Variants in RAD9B observed in about 807,000 individuals in gnomAD.
RAD9B encodes the protein cell cycle checkpoint control protein RAD9B.
Under a neutral mutation model 48.3 loss-of-function variants are expected in RAD9B, and 41 were observed. The observed-to-expected ratio is 0.85, with a 90% CI of 0.66 to 1.10. The LOEUF (loss-of-function observed/expected upper bound fraction) is 1.10. Among genes scored for constraint, RAD9B ranks in the 50% least tolerant of loss-of-function variants. The pLI, the probability that RAD9B is intolerant of heterozygous loss-of-function variation, is 0.00. For synonymous variants in RAD9B, 160 were observed against 157.9 expected, an observed-to-expected ratio of 1.01 and a Z score of -0.10; for missense variants, 444 against 485.1, an observed-to-expected ratio of 0.92 and a Z score of 0.80.
At chr12:110,507,510 TA>T (rs1461399621) in intron 4 of RAD9B, among the ~76,000 whole-genome samples, 842 of 25,732 alleles carry the variant, frequency 0.033, 19 homozygotes, top group Non-Finnish European at 0.062. Context: ...GTATTAAATA[TA>T]ATACATAATA....
intron 4 of RAD9B, among the ~76,000 whole-genome samples, chr12:110,511,132 C>T (rs2063446171): frequency 1.3e-5 from 2 of 152,086 alleles, no homozygotes; most frequent in Admixed American, 1.3e-4. Flanking sequence ...AGTCTGCAAT[C>T]ACTATTTTAC....
rs2063472200 is a variant in RAD9B at position 110,511,908 on chromosome 12, ACG to A, written c.389-870_389-869del. 2.0e-5 allele frequency among the ~76,000 whole-genome samples: 3 copies of A among 151,504 alleles called. No homozygotes were observed. The South Asian group carries it at 6.2e-4, about 32-fold the overall frequency. ...TGTTGTCAGGCTGGAGTGCAGTGGCACGATCTCGGCTCACTGCAACCTCCACC... is the reference window on the plus strand; with the variant it reads ...TGTTGTCAGGCTGGAGTGCAGTGGCAATCTCGGCTCACTGCAACCTCCACC... On this transcript the variant is annotated intron_variant, in intron 4 of 10. Transcript: ENST00000409300.
rs1310741622 is a variant in RAD9B, at chr12:110,531,821, C to T, written c.*1168C>T. 4 of 549,294 alleles carry T rather than the reference C, an allele frequency of 7.3e-6. No homozygotes were observed. The highest frequency in any genetic ancestry group is 1.3e-5 in the Non-Finnish European group (4 of 314,794). 34.0% of individuals were successfully genotyped at this position (549,294 alleles called of 1,614,324 possible). A position where few individuals can be genotyped will look rare whatever the true frequency, so the allele number is the denominator to read the frequency against. On this transcript the variant is annotated 3_prime_UTR_variant, in exon 11 of 11. Coordinates refer to ENST00000409300, the MANE Select transcript of RAD9B (RefSeq NM_001286535.2). ...CCTCTCCCTCCCCCAAACCTGTTTA[C>T]AGTCAATTATAACCTGACAAACGAG...
chr12:110,528,195 A>G (rs893617193), intron 10 of RAD9B, among the ~76,000 whole-genome samples: 1 of 152,184 alleles, frequency 6.6e-6, no homozygotes, highest in African/African-American at 2.4e-5. Flanking sequence ...CAGTGAGGCA[A>G]TAGTCACCCA....
chr12:110,503,980 C>T lies in RAD9B; in HGVS notation c.117+104C>T, dbSNP rs1198018235. On this transcript the variant is annotated intron_variant, in intron 2 of 10. Transcript: ENST00000409300. ...TAGGAAATCCAGAAATTGTAATTAT[C>T]CCTTTCACTGTTTATCTTTATTTTA... 24 of 638,784 alleles carry T rather than the reference C, an allele frequency of 3.8e-5. No homozygotes were observed. In the East Asian group the frequency reaches 4.5e-4, roughly 12 times the overall value. 39.6% of individuals were successfully genotyped at this position (638,784 alleles called of 1,614,324 possible). A position where few individuals can be genotyped will look rare whatever the true frequency, so the allele number is the denominator to read the frequency against.
Position 110,519,910 on chromosome 12 carries a change from GA to G in RAD9B, c.889del (p.Arg297GlyfsTer4). On this transcript the variant is annotated frameshift_variant, in exon 9 of 11. Transcript: ENST00000409300. LOFTEE classifies it high-confidence loss of function. ...CAGTCACTGTGTCTTTCACAGAAAC[GA>G]AAAAGGTAAGACTGTGTTTTAACTT... is the stretch of plus-strand genomic sequence containing the variant. ...SPQSLCLSQK[R>X]KRSDLIEKKA... 6.2e-7 allele frequency: 1 copy of G among 1,608,468 alleles called. No homozygotes were observed. Among genetic ancestry groups the G allele is most frequent in the Non-Finnish European group, 8.5e-7 (1 of 1,178,412 alleles).
intron 4 of RAD9B, among the ~76,000 whole-genome samples, chr12:110,509,380 T>C (rs56887341): frequency 0.14 from 21,792 of 151,884 alleles, 2,145 homozygotes; most frequent in African/African-American, 0.28. Flanking sequence ...GCTGGGATTA[T>C]AGGAATGAGC....
intron 2 of RAD9B, among the ~76,000 whole-genome samples, chr12:110,504,111 C>T (rs2063188047): frequency 6.7e-6 from 1 of 149,830 alleles, no homozygotes; most frequent in South Asian, 2.1e-4. Flanking sequence ...TAGCTACGGT[C>T]TGCAGGAATG....
At chr12:110,503,773 G>A (rs746973054) in intron 1 of RAD9B, 33 bp from the exon 2 acceptor site, 1 of 1,493,486 alleles carries the variant, frequency 6.7e-7, no homozygotes, top group South Asian at 1.2e-5. Flanking sequence ...TAGAGGGAAA[G>A]AATATAAGCA....
rs1565908576 is a variant in RAD9B at position 110,531,536 on chromosome 12, A to G, written c.*883A>G. ...GTAAAATTTTATTTCCTAACCTCAAATTGTTCTGATTTTCAGATGTGATTT... is the reference window on the plus strand; with the variant it reads ...GTAAAATTTTATTTCCTAACCTCAAGTTGTTCTGATTTTCAGATGTGATTT... On this transcript the variant is annotated 3_prime_UTR_variant, in exon 11 of 11. Transcript: ENST00000409300. 4.2e-6 allele frequency: 6 copies of G among 1,413,032 alleles called. No individual in the cohort carries two copies. Among genetic ancestry groups the G allele is most frequent in the Non-Finnish European group, 6.0e-6 (6 of 1,003,186 alleles). 87.5% of individuals were successfully genotyped at this position (1,413,032 alleles called of 1,614,324 possible).
chr12:110,510,158 C>T (rs1282107367), intron 4 of RAD9B, among the ~76,000 whole-genome samples: 1 of 152,184 alleles, frequency 6.6e-6, no homozygotes, highest in Non-Finnish European at 1.5e-5. Flanking sequence ...GATTCAGAAG[C>T]CCTGGCATGT....
At chr12:110,516,914 A>T (rs189123669) in intron 6 of RAD9B, among the ~76,000 whole-genome samples, 2,056 of 152,226 alleles carry the variant, frequency 0.014, 44 homozygotes, top group African/African-American at 0.047. Context: ...TACAAAAAAA[A>T]TTTTTTAAGT....
intron 4 of RAD9B, among the ~76,000 whole-genome samples, chr12:110,509,136 T>C (rs2063383657): frequency 6.6e-6 from 1 of 151,848 alleles, no homozygotes; most frequent in Non-Finnish European, 1.5e-5. Flanking sequence ...GGCTAACTTT[T>C]TTTTTGTATT....
intron 4 of RAD9B, among the ~76,000 whole-genome samples, chr12:110,507,547 T>C: frequency 2.6e-5 from 3 of 117,544 alleles, no homozygotes; most frequent in South Asian, 2.6e-4. Context: ...ATACATAATA[T>C]ATGTATTAAA....
intron 10 of RAD9B, among the ~76,000 whole-genome samples, chr12:110,528,217 T>G (rs1003326902): frequency 2.0e-5 from 3 of 152,126 alleles, no homozygotes; most frequent in African/African-American, 7.2e-5. Flanking sequence ...TTGTAGCATC[T>G]GAGAGATGGT....
intron 4 of RAD9B, chr12:110,511,431 C>A (rs746244809): frequency 6.9e-6 from 3 of 437,562 alleles, no homozygotes; most frequent in Non-Finnish European, 1.4e-5. Context: ...TTTGCAGCAA[C>A]GTGGATGGAA....
chr12:110,517,400 T>C (rs917540616), intron 6 of RAD9B, among the ~76,000 whole-genome samples: 1 of 150,936 alleles, frequency 6.6e-6, no homozygotes, highest in African/African-American at 2.4e-5. Context: ...CGAGGAGGGC[T>C]GATCACCTGA....
At chr12:110,516,146 G>A (rs992040646) in intron 6 of RAD9B, among the ~76,000 whole-genome samples, 20 of 151,994 alleles carry the variant, frequency 1.3e-4, no homozygotes, top group Non-Finnish European at 4.4e-5. Flanking sequence ...AGGATTGCTT[G>A]AGCCCGTAAG....
At chr12:110,505,191 A>G (rs537129353) in intron 2 of RAD9B, among the ~76,000 whole-genome samples, 149 of 152,186 alleles carry the variant, frequency 9.8e-4, no homozygotes, top group African/African-American at 3.4e-3. Context: ...GTATGTATAT[A>G]TATAGGTGTA....
Sources: gnomAD v4.1 joint callset for allele counts (sites outside exome capture counted in the v4.1 genomes callset) on GRCh38, gnomAD v4.1.1 for gene constraint, MANE v1.5 for transcripts, NCBI Gene and HGNC (gene_info 2026-07-23, HGNC 2026-07-21) for gene names.